NPIPB11: variants seen among roughly 807,000 people sequenced by gnomAD.
The protein encoded by NPIPB11 is nuclear pore complex interacting protein family member B11.
NPIPB11 carries 17 observed loss-of-function variants against 32.8 expected under a neutral mutation model. That is an observed-to-expected ratio of 0.52 (90% CI 0.35 to 0.78). NPIPB11 has a LOEUF of 0.78. NPIPB11 is among the 30% of genes least tolerant of loss of function. The probability of loss-of-function intolerance (pLI) is 0.01; values close to 1 mark genes in which losing one functional copy is unlikely to be tolerated. For missense variants in NPIPB11, 537 were observed against 1,000.4 expected, an observed-to-expected ratio of 0.54 and a Z score of 6.25; for synonymous variants, 209 against 398.4, an observed-to-expected ratio of 0.52 and a Z score of 5.66.
intron 2 of NPIPB11, among the ~76,000 whole-genome samples, chr16:29,402,360 G>C (rs1428099833): frequency 8.9e-6 from 1 of 112,132 alleles, no homozygotes; most frequent in Admixed American, 9.7e-5. Flanking sequence ...GTAAAACTAT[G>C]CATATTCTTT....
chr16:29,406,076 G>T (rs1261079278), upstream of NPIPB11, among the ~76,000 whole-genome samples: 1 of 152,232 alleles, frequency 6.6e-6, no homozygotes, highest in Non-Finnish European at 1.5e-5. Flanking sequence ...TCTTTGATGG[G>T]TTTCTCCAGT....
rs576195764 is a variant in NPIPB11 at position 29,399,902 on chromosome 16, C to T, written c.120+3781G>A. Reference sequence around the variant, plus strand: ...GACCAGCCTGACCAACATGGTGAAACCCCGTCTCTACTAAAAATACAAAAA... The same window carrying T: ...GACCAGCCTGACCAACATGGTGAAATCCCGTCTCTACTAAAAATACAAAAA... On this transcript the variant is annotated intron_variant, in intron 2 of 7. Coordinates refer to ENST00000524087, the Ensembl canonical transcript of NPIPB11. 1.5e-3 allele frequency among the ~76,000 whole-genome samples: 221 copies of T among 152,000 alleles called. 1 individual carries two copies. Among genetic ancestry groups the T allele is most frequent in the Middle Eastern group, 6.8e-3 (2 of 294 alleles).
At chr16:29,384,420 A>G (rs1963577867) in intron 7 of NPIPB11, 131 bp from the exon 8 acceptor site, 1 of 462,024 alleles carries the variant, frequency 2.2e-6, no homozygotes, top group Non-Finnish European at 3.4e-6. Context: ...AGGTTTCAAA[A>G]TAGCAGTATC....
At chr16:29,394,668 G>A (rs2142130557) in intron 2 of NPIPB11, among the ~76,000 whole-genome samples, 1 of 152,186 alleles carries the variant, frequency 6.6e-6, no homozygotes, top group South Asian at 2.1e-4. Flanking sequence ...CTCCTGACAG[G>A]CGATCTGCCT....
intron 2 of NPIPB11, among the ~76,000 whole-genome samples, chr16:29,401,684 C>T (rs1373155688): frequency 1.3e-5 from 2 of 152,098 alleles, no homozygotes; most frequent in Non-Finnish European, 2.9e-5. Flanking sequence ...TGCTTTGACC[C>T]AAGAGATGTG....
In NPIPB11 at chr16:29,383,129, G is replaced by T. The variant is rs779448700; in HGVS notation, c.1803C>A (p.Asp601Glu). The T allele has an allele frequency of 6.3e-6, 10 of 1,595,056 alleles. No homozygotes were observed. The Admixed American group carries it at 6.9e-5, about 11-fold the overall frequency. ...AGGGGAGTGAGCTGACGCTCGGAAGGTCTCTTGAGATTATCATCCGCTGAG... is the reference window on the plus strand; with the variant it reads ...AGGGGAGTGAGCTGACGCTCGGAAGTTCTCTTGAGATTATCATCCGCTGAG... Residue 601 changes from aspartate (D) to glutamate (E), a missense_variant, in exon 8 of 8, where the codon GAC becomes GAA. Asp to Glu is a conservative substitution (Grantham distance 45). Transcript: ENST00000524087.
chr16:29,399,575 T>TG (rs1279371214), intron 2 of NPIPB11, among the ~76,000 whole-genome samples: 8 of 150,558 alleles, frequency 5.3e-5, no homozygotes, highest in Admixed American at 1.3e-4. Flanking sequence ...GGTGGGCGCC[T>TG]TAGTCCCACC....
chr16:29,406,661 C>T (rs1280904995), upstream of NPIPB11, among the ~76,000 whole-genome samples: 4 of 152,002 alleles, frequency 2.6e-5, no homozygotes, highest in Admixed American at 6.6e-5. Context: ...TTGCAGTGAG[C>T]CGAGATCATG....
chr16:29,403,747 T>G, exon 2 of NPIPB11: 2 of 1,591,178 alleles, frequency 1.3e-6, no homozygotes, highest in Middle Eastern at 4.2e-4. Context: ...CTTGGTGAGC[T>G]GGCCCTGGTC....
At position 29,383,398 on chromosome 16, in the gene NPIPB11, C is replaced by T. The variant is rs1567269536; in HGVS notation, c.1534G>A (p.Asp512Asn). Residue 512 changes from aspartate (D) to asparagine (N), a missense_variant, in exon 8 of 8, where the codon GAT (aspartate) becomes AAT (asparagine). Coordinates refer to ENST00000524087, the Ensembl canonical transcript of NPIPB11. ...TCAGAAGGTGTCTTGAGATTATCAT[C>T]CGCTGAGGGTGGAAGCGGCCCCCGC... 3.0e-5 allele frequency: 5 copies of T among 164,684 alleles called. 1 individual carries two copies. Among genetic ancestry groups the T allele is most frequent in the Non-Finnish European group, 5.0e-5 (5 of 99,858 alleles). 10.2% of individuals were successfully genotyped at this position (164,684 alleles called of 1,614,324 possible). A position where few individuals can be genotyped will look rare whatever the true frequency, so the allele number is the denominator to read the frequency against.
chr16:29,388,689 CAAAA>C (rs945119724), intron 5 of NPIPB11, among the ~76,000 whole-genome samples: 1 of 106,188 alleles, frequency 9.4e-6, no homozygotes, highest in East Asian at 2.8e-4. Flanking sequence ...TCACATTTAA[CAAAA>C]AAAGATCAGT....
intron 3 of NPIPB11, among the ~76,000 whole-genome samples, chr16:29,390,795 C>A (rs947173048): frequency 6.6e-6 from 1 of 151,670 alleles, no homozygotes; most frequent in Non-Finnish European, 1.5e-5. Flanking sequence ...GAAACACTGT[C>A]TCTGCTAAAA....
chr16:29,406,019 A>G (rs1225028297), upstream of NPIPB11, among the ~76,000 whole-genome samples: 2 of 152,260 alleles, frequency 1.3e-5, no homozygotes, highest in Non-Finnish European at 2.9e-5. Flanking sequence ...TACTCTTTTA[A>G]TAGTGACCTG....
chr16:29,393,658 T>G (rs1009480719), intron 3 of NPIPB11, among the ~76,000 whole-genome samples: 23 of 151,548 alleles, frequency 1.5e-4, no homozygotes, highest in African/African-American at 5.6e-4. Context: ...GAATTTCCTA[T>G]TTAAGTGACG....
chr16:29,392,659 G>A (rs1287707335), intron 3 of NPIPB11, among the ~76,000 whole-genome samples: 10 of 150,826 alleles, frequency 6.6e-5, no homozygotes, highest in Admixed American at 3.3e-4. Context: ...GCAGTGAGCC[G>A]AGGTCACACC....
intron 3 of NPIPB11, among the ~76,000 whole-genome samples, chr16:29,392,064 A>C (rs1412447955): frequency 6.6e-6 from 1 of 151,694 alleles, no homozygotes; most frequent in Non-Finnish European, 1.5e-5. Flanking sequence ...TTTTTTCCTG[A>C]TTTCTGCACA....
chr16:29,400,034 G>A (rs1963952246), intron 2 of NPIPB11, among the ~76,000 whole-genome samples: 1 of 151,910 alleles, frequency 6.6e-6, no homozygotes. Flanking sequence ...CCGAGATCGT[G>A]CCATTCCACT....
intron 2 of NPIPB11, among the ~76,000 whole-genome samples, chr16:29,402,805 GATT>G (rs1448125280): frequency 7.0e-6 from 1 of 142,226 alleles, no homozygotes; most frequent in Non-Finnish European, 1.5e-5. Context: ...TCATTTTTGA[GATT>G]ATCATTTTAA....
chr16:29,400,823 C>T (rs997559815), intron 2 of NPIPB11, among the ~76,000 whole-genome samples: 25 of 152,218 alleles, frequency 1.6e-4, no homozygotes, highest in African/African-American at 5.5e-4. Context: ...GGCACAGAGG[C>T]AGTGGTTCCA....
Sources: gnomAD v4.1 joint callset for allele counts (sites outside exome capture counted in the v4.1 genomes callset) on GRCh38, gnomAD v4.1.1 for gene constraint, MANE v1.5 for transcripts, NCBI Gene and HGNC (gene_info 2026-07-23, HGNC 2026-07-21) for gene names.